CPQ: variants seen among roughly 807,000 people sequenced by gnomAD.
CPQ encodes carboxypeptidase Q.
In CPQ, 37 loss-of-function variants were observed where a neutral mutation model predicts 45.7. That is an observed-to-expected ratio of 0.81 (90% CI 0.62 to 1.07). The LOEUF (loss-of-function observed/expected upper bound fraction) is 1.07, where lower values mean the gene tolerates loss of function less well. CPQ is among the 50% of genes least tolerant of loss of function. The probability of loss-of-function intolerance (pLI) is 0.00; values close to 1 mark genes in which losing one functional copy is unlikely to be tolerated. For missense variants in CPQ, 537 were observed against 572.9 expected (o/e 0.94, Z 0.64); for synonymous variants, 186 against 205.8 (o/e 0.90, Z 0.82).
At chr8:97,108,854 C>T (rs1362535931) in intron 7 of CPQ, among the ~76,000 whole-genome samples, 2 of 152,164 alleles carry the variant, frequency 1.3e-5, no homozygotes, top group African/African-American at 2.4e-5. Flanking sequence ...TGAGGATTCT[C>T]CACCACATTT....
intron 1 of CPQ, among the ~76,000 whole-genome samples, chr8:96,755,083 T>C (rs1810313347): frequency 2.0e-5 from 3 of 152,004 alleles, no homozygotes. Flanking sequence ...CTTGAATTGA[T>C]TGAATAATTC....
chr8:96,942,411 A>T (rs759107397), intron 4 of CPQ, among the ~76,000 whole-genome samples: 3 of 152,260 alleles, frequency 2.0e-5, no homozygotes, highest in African/African-American at 7.2e-5. Flanking sequence ...AGCTCTGCCC[A>T]GTTGCCTTCT....
chr8:97,126,985 G>C (rs1272646552), intron 7 of CPQ, among the ~76,000 whole-genome samples: 3 of 152,128 alleles, frequency 2.0e-5, no homozygotes, highest in African/African-American at 7.2e-5. Context: ...ATGAACCTTA[G>C]CCCTTATCTC....
chr8:97,072,555 G>T lies in CPQ; in HGVS notation c.1255+6345G>T, dbSNP rs560413267. Among the ~76,000 whole-genome samples, 3 of 152,270 alleles carry T rather than the reference G, an allele frequency of 2.0e-5. No homozygotes were observed. In the South Asian group the frequency reaches 6.2e-4, roughly 32 times the overall value. On this transcript the variant is annotated intron_variant, in intron 7 of 7. Transcript: ENST00000220763. ...AGAGGAAGTCAAACTGTCGCTGTTT[G>T]CTGATGATATGACCGTATACCTAGA...
intron 5 of CPQ, among the ~76,000 whole-genome samples, chr8:96,979,035 A>C (rs560580016): frequency 7.0e-6 from 1 of 143,458 alleles, no homozygotes; most frequent in South Asian, 2.3e-4. Flanking sequence ...CAGGCCTTGA[A>C]AAGTTAGGAA....
chr8:96,720,311 T>G (rs1809745890), intron 1 of CPQ, among the ~76,000 whole-genome samples: 1 of 152,244 alleles, frequency 6.6e-6, no homozygotes, highest in Non-Finnish European at 1.5e-5. Context: ...CCTTTTTTCT[T>G]TGTGGATCTA....
intron 1 of CPQ, among the ~76,000 whole-genome samples, chr8:96,714,437 T>C (rs991966443): frequency 6.6e-6 from 1 of 152,194 alleles, no homozygotes; most frequent in Non-Finnish European, 1.5e-5. Context: ...TTTTAAACTT[T>C]CCTCTGCATT....
At chr8:96,869,315 T>G (rs565715341) in intron 3 of CPQ, among the ~76,000 whole-genome samples, 215 of 152,162 alleles carry the variant, frequency 1.4e-3, no homozygotes, top group Middle Eastern at 6.8e-3. Flanking sequence ...TTAACAGCAC[T>G]GGGCAATTGC....
chr8:97,074,092 T>C (rs776896400), intron 7 of CPQ, among the ~76,000 whole-genome samples: 1 of 152,236 alleles, frequency 6.6e-6, no homozygotes, highest in Non-Finnish European at 1.5e-5. Context: ...TGTTATACCA[T>C]TGGGCAGTTA....
At chr8:96,737,982 T>C (rs939093542) in intron 1 of CPQ, among the ~76,000 whole-genome samples, 2 of 152,174 alleles carry the variant, frequency 1.3e-5, no homozygotes, top group Non-Finnish European at 1.5e-5. Context: ...CTATAGCCCA[T>C]GAGTAATTTA....
At chr8:97,100,899 T>C (rs1811292911) in intron 7 of CPQ, among the ~76,000 whole-genome samples, 1 of 152,190 alleles carries the variant, frequency 6.6e-6, no homozygotes, top group African/African-American at 2.4e-5. Flanking sequence ...GAAAAAATTA[T>C]TTTAGTACTC....
chr8:96,690,085 C>A (rs996099907), intron 1 of CPQ, among the ~76,000 whole-genome samples: 10 of 151,938 alleles, frequency 6.6e-5, no homozygotes, highest in African/African-American at 1.9e-4. Context: ...TTTACTTGGG[C>A]TCTTGTATAC....
intron 5 of CPQ, among the ~76,000 whole-genome samples, chr8:97,007,850 G>A (rs1809412969): frequency 6.6e-6 from 1 of 152,150 alleles, no homozygotes; most frequent in Non-Finnish European, 1.5e-5. Flanking sequence ...GCAGAACACT[G>A]GGATAAATCT....
chr8:97,096,585 G>A (rs771224091), intron 7 of CPQ, among the ~76,000 whole-genome samples: 12 of 152,196 alleles, frequency 7.9e-5, no homozygotes, highest in African/African-American at 1.4e-4. Flanking sequence ...TGGAGAAGGC[G>A]GCATTTGATA....
intron 7 of CPQ, among the ~76,000 whole-genome samples, chr8:97,111,503 C>T (rs961900167): frequency 6.6e-6 from 1 of 152,182 alleles, no homozygotes; most frequent in Non-Finnish European, 1.5e-5. Context: ...GGGCCAGCTG[C>T]AATGCAGGGC....
intron 4 of CPQ, among the ~76,000 whole-genome samples, chr8:96,889,044 G>A (rs1812340231): frequency 6.6e-6 from 1 of 152,216 alleles, no homozygotes; most frequent in African/African-American, 2.4e-5. Context: ...CTTTCCTGAA[G>A]ATGGGAGAAC....
intron 7 of CPQ, among the ~76,000 whole-genome samples, chr8:97,081,438 G>A (rs1446403070): frequency 6.6e-6 from 1 of 152,150 alleles, no homozygotes; most frequent in Non-Finnish European, 1.5e-5. Context: ...TTAGAGTTGT[G>A]CTTCACACTC....
intron 7 of CPQ, among the ~76,000 whole-genome samples, chr8:97,108,787 T>G (rs763466794): frequency 5.3e-5 from 8 of 152,234 alleles, no homozygotes; most frequent in Non-Finnish European, 1.0e-4. Context: ...TCCAGCTTCA[T>G]AGAATTAAAG....
chr8:96,810,762 A>G (rs900887889), intron 2 of CPQ, among the ~76,000 whole-genome samples: 3 of 152,218 alleles, frequency 2.0e-5, no homozygotes, highest in Admixed American at 1.3e-4. Context: ...TCCTCTGCTC[A>G]TAAGAGACAG....
Sources: allele counts gnomAD v4.1 joint callset (sites outside exome capture counted in the v4.1 genomes callset), GRCh38; gene constraint gnomAD v4.1.1; transcripts MANE v1.5; gene names NCBI Gene and HGNC (gene_info 2026-07-23, HGNC 2026-07-21).